The following RASAL3 variants were observed in gnomAD, a reference collection of about 807,000 sequenced individuals.
The protein encoded by RASAL3 is RAS protein activator like 3.
Under a neutral mutation model 105.5 loss-of-function variants are expected in RASAL3, and 74 were observed. The observed-to-expected ratio is 0.70, with a 90% CI of 0.58 to 0.85. RASAL3 has a LOEUF of 0.85. Ranked by LOEUF, RASAL3 falls within the 40% of genes least tolerant of loss-of-function variation. RASAL3 has a pLI of 0.00. For missense variants in RASAL3, 1,352 were observed against 1,392.0 expected (o/e 0.97, Z 0.46); for synonymous variants, 579 against 591.6 (o/e 0.98, Z 0.31).
Position 15,458,370 on chromosome 19 carries a change from GTC to G in RASAL3, c.844_845del (p.Asp282ProfsTer200), listed in dbSNP as rs1970396294. 2 of 1,613,842 alleles carry G rather than the reference GTC, an allele frequency of 1.2e-6. No individual in the cohort carries two copies. Among genetic ancestry groups the G allele is most frequent in the African/African-American group, 1.3e-5 (1 of 74,918 alleles). On this transcript the variant is annotated frameshift_variant, in exon 8 of 18. Transcript: ENST00000343625. LOFTEE classifies it high-confidence loss of function. ...CFSCRSAAER[D>X]RWIEDLRRQF... Reference sequence around the variant, plus strand: ...GGCGACGAAGGTCCTCGATCCAGCGGTCTCTCTCAGCGGCCGAGCGACAAGAG... The same window carrying G: ...GGCGACGAAGGTCCTCGATCCAGCGGTCTCTCAGCGGCCGAGCGACAAGAG...
In RASAL3 at chr19:15,453,547, C is replaced by A. The variant is rs760301052; in HGVS notation, c.2280-50G>T. On this transcript the variant is annotated intron_variant, in intron 14 of 17. Coordinates refer to ENST00000343625, the MANE Select transcript of RASAL3 (RefSeq NM_022904.3). The surrounding 1 kb of genome is among the most constrained non-coding windows in gnomAD (Gnocchi z 4.2). ...GACCCTCCACTGGCCCCTGAGACGA[C>A]CCCATCCCGACCTGACCAGAAGTGA... 1.4e-5 allele frequency: 20 copies of A among 1,460,752 alleles called. No homozygotes were observed. In the East Asian group the frequency reaches 5.8e-4, roughly 42 times the overall value. The allele number at this position is 1,460,752 out of a possible 1,614,324, so 90.5% of individuals were successfully genotyped here. A position where few individuals can be genotyped will look rare whatever the true frequency, so the allele number is the denominator to read the frequency against.
In RASAL3 at chr19:15,461,627, C is replaced by G. The variant is rs551985751; in HGVS notation, c.329-20G>C. On this transcript the variant is annotated intron_variant, in intron 2 of 17. Transcript: ENST00000343625. ...CCAGCTCTGGGAAGAAGAGGAGGCA[C>G]TGGGGGACTTAAGAGACGTTTTCTC... 1 of 1,505,536 alleles carries G rather than the reference C, an allele frequency of 6.6e-7. No homozygotes were observed. The highest frequency in any genetic ancestry group is 8.8e-7 in the Non-Finnish European group (1 of 1,130,626). The allele number at this position is 1,505,536 out of a possible 1,614,324, so 93.3% of individuals were successfully genotyped here.
chr19:15,458,251 G>T, intron 8 of RASAL3, 77 bp downstream of exon 8: 1 of 1,403,058 alleles, frequency 7.1e-7, no homozygotes. Flanking sequence ...GGAGCGAGCT[G>T]GCTTTGGGTA....
Position 15,457,420 on chromosome 19 carries a change from G to C in RASAL3, c.1303C>G (p.Leu435Val). The C allele has an allele frequency of 6.9e-7, 1 of 1,443,038 alleles. No homozygotes were observed. The highest frequency in any genetic ancestry group is 9.1e-7 in the Non-Finnish European group (1 of 1,101,136). The allele number at this position is 1,443,038 out of a possible 1,614,324, so 89.4% of individuals were successfully genotyped here. ...RVLPSERYKE[L>V]AEFLTFHYAR... is the part of the protein sequence containing the mutation. ...TAGTGGAAGGTGAGGAACTCCGCCA[G>C]CTCCTTGTAGCGCTCGGACGGCAGC... is the stretch of plus-strand genomic sequence containing the variant. Residue 435 changes from leucine (L) to valine (V), a missense_variant, in exon 9 of 18, where the codon CTG (leucine) becomes GTG (valine). Around this residue, in one of 3 missense-constraint regions of RASAL3, gnomAD observed 920 missense variants for 919.6 expected, o/e 1.00. Transcript: ENST00000343625. The surrounding 1 kb of genome is among the most constrained non-coding windows in gnomAD (Gnocchi z 8.6).
At chr19:15,460,304 C>T (rs553493446) in intron 5 of RASAL3, 46 bp from the exon 6 acceptor site, 4 of 1,560,504 alleles carry the variant, frequency 2.6e-6, no homozygotes, top group Admixed American at 1.8e-5. Flanking sequence ...GTGCTCCTTC[C>T]TCAGCTCCTT....
chr19:15,453,352 G>T lies in RASAL3; in HGVS notation c.2425C>A (p.Arg809=). The change falls in exon 15 of 18, where the codon CGG becomes AGG. Residue 809 remains arginine, a synonymous_variant. Coordinates refer to ENST00000343625, the MANE Select transcript of RASAL3 (RefSeq NM_022904.3). This position sits in a 1 kb window ranked among gnomAD's most constrained non-coding sequence, Gnocchi z 4.2. ...GTGCGCTGCACCGGCCGGGGCCGCC[G>T]CAGGGGCCGCTCTTCGTCCGGCCGT... The part of the protein sequence containing the change: ...RPRPDEERPL[R]RPRPVQRTQS... 3 of 1,429,744 alleles carry T rather than the reference G, an allele frequency of 2.1e-6. No individual in the cohort carries two copies. Among genetic ancestry groups the T allele is most frequent in the Non-Finnish European group, 9.1e-7 (1 of 1,098,376 alleles). The allele number at this position is 1,429,744 out of a possible 1,614,324, so 88.6% of individuals were successfully genotyped here. A position where few individuals can be genotyped will look rare whatever the true frequency, so the allele number is the denominator to read the frequency against.
chr19:15,452,015 C>T, intron 17 of RASAL3, 30 bp downstream of exon 17: 1 of 1,613,910 alleles, frequency 6.2e-7, no homozygotes, highest in Non-Finnish European at 8.5e-7. Flanking sequence ...ACCGCCCAGA[C>T]CTGCCCCAGG....
intron 11 of RASAL3, among the ~76,000 whole-genome samples, chr19:15,455,884 C>G (rs1457771308): frequency 5.9e-5 from 9 of 152,160 alleles, no homozygotes; most frequent in Admixed American, 5.9e-4. Flanking sequence ...CTCCTGGGCT[C>G]AAGCAATCCT....
Position 15,462,004 on chromosome 19 carries a change from G to GT in RASAL3, c.329-398dup, listed in dbSNP as rs199527396. Reference sequence around the variant, plus strand: ...TCTCTCTCTCTTTTTTTGTTTTTTTGTTTTTTTTGCATTCTTCTCTTAACC... The same window carrying GT: ...TCTCTCTCTCTTTTTTTGTTTTTTTGTTTTTTTTTGCATTCTTCTCTTAACC... On this transcript the variant is annotated intron_variant, in intron 2 of 17. Coordinates refer to ENST00000343625, the MANE Select transcript of RASAL3 (RefSeq NM_022904.3). Among the ~76,000 whole-genome samples the GT allele has an allele frequency of 2.0e-3, 308 of 151,358 alleles. 2 individuals carry two copies. The highest frequency in any genetic ancestry group is 5.5e-3 in the African/African-American group (227 of 41,244).
chr19:15,464,024 C>T lies in RASAL3; in HGVS notation c.328+7G>A. On this transcript the variant is annotated splice_region_variant and intron_variant, in intron 2 of 17. Coordinates refer to ENST00000343625, the MANE Select transcript of RASAL3 (RefSeq NM_022904.3). ...CGGCCCAAGCTCAGGGTGGGGGAAC[C>T]ATGTACCTGGGGCCTCCTGCTCCGG... 7 of 1,542,092 alleles carry T rather than the reference C, an allele frequency of 4.5e-6. No individual in the cohort carries two copies. The South Asian group carries it at 7.5e-5, about 16-fold the overall frequency.
intron 5 of RASAL3, 47 bp from the exon 6 acceptor site, chr19:15,460,305 T>C: frequency 6.4e-7 from 1 of 1,553,640 alleles, no homozygotes; most frequent in Non-Finnish European, 8.8e-7. Context: ...TGCTCCTTCC[T>C]CAGCTCCTTC....
rs1568322464 is a variant in RASAL3 at position 15,451,869 on chromosome 19, A to G, written c.2962T>C (p.Ser988Pro). ...CTCCAAGACCCCCGCGTCCTTGGAG[A>G]AAGCTGCAGGCTCTGGACAGCATCC... ...LRDAVQSLQL[S>P]PRTRGSWSQP... Residue 988 changes from serine (S) to proline (P), a missense_variant, in exon 18 of 18, where the codon TCT (serine) becomes CCT (proline). This residue lies in a region of RASAL3 where 920 missense variants were observed against 919.6 expected (regional missense o/e 1.00). Transcript: ENST00000343625. 7 of 1,608,874 alleles carry G rather than the reference A, an allele frequency of 4.4e-6. No individual in the cohort carries two copies. The highest frequency in any genetic ancestry group is 2.2e-5 in the East Asian group (1 of 44,704).
In RASAL3 at chr19:15,457,083, G is replaced by A. The variant is rs1044374244; in HGVS notation, c.1431+209C>T. Among the ~76,000 whole-genome samples the A allele has an allele frequency of 3.3e-5, 5 of 149,818 alleles. No homozygotes were observed. The highest frequency in any genetic ancestry group is 6.6e-5 in the Admixed American group (1 of 15,062). On this transcript the variant is annotated intron_variant, in intron 9 of 17. Transcript: ENST00000343625. This position sits in a 1 kb window ranked among gnomAD's most constrained non-coding sequence, Gnocchi z 8.6. ...CCCTTCAAGGTGCCCCGCCCCTTAC[G>A]GGTGATGTTCAGGCCCCGCCCTTCT...
Position 15,456,741 on chromosome 19 carries a change from C to T in RASAL3, c.1432-95G>A, listed in dbSNP as rs987236142. The T allele has an allele frequency of 4.9e-6, 7 of 1,434,376 alleles. No individual in the cohort carries two copies. The African/African-American group carries it at 9.8e-5, about 20-fold the overall frequency. The allele number at this position is 1,434,376 out of a possible 1,614,324, so 88.9% of individuals were successfully genotyped here. On this transcript the variant is annotated intron_variant, in intron 9 of 17. Coordinates refer to ENST00000343625, the MANE Select transcript of RASAL3 (RefSeq NM_022904.3). The surrounding 1 kb of genome is among the most constrained non-coding windows in gnomAD (Gnocchi z 4.4). ...GTCCCTCACACCAGAGGCACAGGCC[C>T]CGCCCCTTGTAGCTGATGCTTAGGC...
chr19:15,460,079 T>G (rs1176953733), intron 6 of RASAL3, 124 bp downstream of exon 6: 1 of 784,746 alleles, frequency 1.3e-6, no homozygotes, highest in Non-Finnish European at 2.1e-6. Flanking sequence ...CAGCATCAAC[T>G]GATGTGGGGC....
At position 15,452,807 on chromosome 19, in the gene RASAL3, C is replaced by T. The variant is rs368189337; in HGVS notation, c.2679G>A (p.Glu893=). The T allele has an allele frequency of 2.4e-5, 38 of 1,553,878 alleles. No homozygotes were observed. The highest frequency in any genetic ancestry group is 2.0e-4 in the African/African-American group (15 of 73,472). ...GTHRPVNKLA[E]LQCEVAALRE... is the part of the protein sequence containing the mutation. ...GCAGAGCGGCCACCTCGCACTGCAG[C>T]TCTGCCAACTGTGGTGGGAGAGCAG... is the stretch of plus-strand genomic sequence containing the variant. The change falls in exon 16 of 18, where the codon GAG becomes GAA. Residue 893 remains glutamate, a synonymous_variant. Transcript: ENST00000343625.
intron 15 of RASAL3, 61 bp from the exon 16 acceptor site, chr19:15,452,876 C>T: frequency 1.3e-6 from 2 of 1,481,520 alleles, no homozygotes; most frequent in Non-Finnish European, 1.8e-6. Flanking sequence ...TCCCCGGAGA[C>T]CCTGACCTCC....
intron 16 of RASAL3, 153 bp downstream of exon 16, chr19:15,452,501 TTGCC>T: frequency 1.4e-6 from 1 of 693,290 alleles, no homozygotes; most frequent in Non-Finnish European, 2.3e-6. Context: ...GGGGCGGGGC[TTGCC>T]AAGAGGCAGG....
At chr19:15,459,084 C>T (rs1352529099) in intron 6 of RASAL3, among the ~76,000 whole-genome samples, 2 of 152,016 alleles carry the variant, frequency 1.3e-5, no homozygotes, top group African/African-American at 4.8e-5. Flanking sequence ...GTGCCCACCA[C>T]CATGCCTGGC....
Sources: gnomAD v4.1 joint callset for allele counts (sites outside exome capture counted in the v4.1 genomes callset) on GRCh38, gnomAD v4.1.1 for gene constraint, gnomAD v4.1.1 regional missense constraint, Gnocchi (gnomAD v3.1) non-coding constraint, MANE v1.5 for transcripts, NCBI Gene and HGNC (gene_info 2026-07-23, HGNC 2026-07-21) for gene names.